The following NRAP variants were observed in gnomAD, a reference collection of about 807,000 sequenced individuals.
NRAP encodes nebulin-related-anchoring protein.
Under a neutral mutation model 225.9 loss-of-function variants are expected in NRAP, and 189 were observed. That is an observed-to-expected ratio of 0.84 (90% CI 0.74 to 0.94). The LOEUF is 0.94. Ranked by LOEUF, NRAP falls within the 40% of genes least tolerant of loss-of-function variation. The pLI is 0.00. For missense variants in NRAP, 2,176 were observed against 2,168.7 expected (o/e 1.00, Z -0.07); for synonymous variants, 769 against 790.7 (o/e 0.97, Z 0.46).
At chr10:113,639,091 CAAAAAAA>C (rs60509891) in intron 14 of NRAP, among the ~76,000 whole-genome samples, 63,966 of 116,478 alleles carry the variant, frequency 0.55, 16,556 homozygotes, top group East Asian at 0.71. Flanking sequence ...ATGTATATAG[CAAAAAAA>C]AAAAAAAAAA....
intron 21 of NRAP, among the ~76,000 whole-genome samples, chr10:113,625,666 G>A (rs975557742): frequency 6.6e-6 from 1 of 152,066 alleles, no homozygotes; most frequent in Non-Finnish European, 1.5e-5. Flanking sequence ...CGCTTATGTG[G>A]GTGTGACCTG....
rs11326329 is a variant in NRAP, at chr10:113,612,096, GA to G, written c.3498+137del. 3.4e-3 allele frequency: 2,230 copies of G among 649,434 alleles called. 41 individuals carry two copies. The African/African-American group carries it at 0.036, about 10-fold the overall frequency. The allele number at this position is 649,434 out of a possible 1,614,324, so 40.2% of individuals were successfully genotyped here. A position where few individuals can be genotyped will look rare whatever the true frequency, so the allele number is the denominator to read the frequency against. ...CTTAAGGGATGTGCAGGAACTCTCA[GA>G]CTGGGTTTCAAAATAAGACTTGGGT... On this transcript the variant is annotated intron_variant, in intron 30 of 41. Transcript: ENST00000359988.
intron 18 of NRAP, among the ~76,000 whole-genome samples, chr10:113,630,628 C>A (rs1173459965): frequency 2.0e-5 from 3 of 152,250 alleles, no homozygotes; most frequent in Non-Finnish European, 4.4e-5. Flanking sequence ...TTTTTGACCC[C>A]CAGCTGCTCC....
chr10:113,613,744 C>G (rs2133941560), intron 29 of NRAP, among the ~76,000 whole-genome samples: 1 of 152,316 alleles, frequency 6.6e-6, no homozygotes, highest in Non-Finnish European at 1.5e-5. Flanking sequence ...CTAAATGGAG[C>G]TGTTGGTCAG....
chr10:113,611,845 C>A (rs1386196939), intron 30 of NRAP, among the ~76,000 whole-genome samples: 1 of 152,196 alleles, frequency 6.6e-6, no homozygotes, highest in African/African-American at 2.4e-5. Context: ...ACCTTGAGGG[C>A]ATCTTTGTCA....
At chr10:113,608,355 A>G (rs1564709854) in intron 32 of NRAP, 59 bp downstream of exon 32, 4 of 1,046,444 alleles carry the variant, frequency 3.8e-6, no homozygotes, top group Non-Finnish European at 5.9e-6. Context: ...ATTCACGTGT[A>G]TTTTTAACAA....
chr10:113,653,135 G>A, intron 5 of NRAP, 96 bp from the exon 6 acceptor site: 3 of 673,582 alleles, frequency 4.5e-6, no homozygotes, highest in South Asian at 2.1e-5. Flanking sequence ...GATTCATAAA[G>A]TTCTTCGGAA....
chr10:113,595,515 C>A, intron 38 of NRAP, 108 bp downstream of exon 38: 1 of 678,664 alleles, frequency 1.5e-6, no homozygotes, highest in South Asian at 1.8e-5. Context: ...CTTTCTGTTC[C>A]AAGTCCTCCT....
Position 113,608,458 on chromosome 10 carries a change from G to A in NRAP, c.3658C>T (p.Pro1220Ser). ...SFKYTAVTDT[P>S]NLLHAKFSNQ... The stretch of plus-strand genomic sequence containing the variant: ...CTGAATTTCGCATGAAGGAGGTTGG[G>A]AGTGTCTGTCACAGCTGTGTACTTG... Residue 1220 changes from proline to serine, a missense_variant, in exon 32 of 42, where the codon CCC (proline) becomes TCC (serine). Pro to Ser is a moderately conservative substitution (Grantham distance 74, BLOSUM62 -1). Transcript: ENST00000359988. 1 of 1,613,744 alleles carries A rather than the reference G, an allele frequency of 6.2e-7. No individual in the cohort carries two copies. The highest frequency in any genetic ancestry group is 8.5e-7 in the Non-Finnish European group (1 of 1,179,690).
intron 9 of NRAP, among the ~76,000 whole-genome samples, chr10:113,648,186 G>C (rs933657073): frequency 1.3e-5 from 2 of 152,144 alleles, no homozygotes; most frequent in Middle Eastern, 3.2e-3. Context: ...CCAGGGCTTT[G>C]ACTGTGGCAC....
chr10:113,637,656 G>C (rs959465856), intron 14 of NRAP, among the ~76,000 whole-genome samples: 1 of 152,226 alleles, frequency 6.6e-6, no homozygotes, highest in African/African-American at 2.4e-5. Context: ...GGGTGTGGTG[G>C]CTCACGCCTG....
At chr10:113,590,314 G>C (rs1236742933) in intron 40 of NRAP, among the ~76,000 whole-genome samples, 1 of 152,220 alleles carries the variant, frequency 6.6e-6, no homozygotes, top group African/African-American at 2.4e-5. Flanking sequence ...TTCCTCATCT[G>C]TAAAATGAAG....
intron 14 of NRAP, among the ~76,000 whole-genome samples, chr10:113,635,890 T>G (rs1848841601): frequency 6.6e-6 from 1 of 152,214 alleles, no homozygotes; most frequent in Admixed American, 6.5e-5. Context: ...GGGTTCCTAC[T>G]CTGCAGAGTG....
rs749947597 is a variant in NRAP, at chr10:113,604,799, T to C, written c.4037A>G (p.Tyr1346Cys). 2 of 1,614,140 alleles carry C rather than the reference T, an allele frequency of 1.2e-6. No individual in the cohort carries two copies. Among genetic ancestry groups the C allele is most frequent in the Admixed American group, 3.3e-5 (2 of 60,012 alleles). Residue 1346 changes from tyrosine (Y) to cysteine (C), a missense_variant, in exon 35 of 42, where the codon TAC becomes TGC. Tyr to Cys is a radical substitution (Grantham distance 194). This residue lies in a region of NRAP where 1,708 missense variants were observed against 1,695.5 expected (regional missense o/e 1.01). Transcript: ENST00000359988. ...TTGGCTGCTGGTCGCCCCCCTCCTG[T>C]ACTGAAGCTCGCTCTGCAGCTGGCC... Reference protein sequence around the residue: ...RMGQLQSELQYRRGATSSQAQ... With the variant: ...RMGQLQSELQCRRGATSSQAQ...
intron 3 of NRAP, among the ~76,000 whole-genome samples, chr10:113,658,035 A>T (rs3127117): frequency 3.3e-5 from 5 of 152,116 alleles, no homozygotes; most frequent in South Asian, 2.1e-4. Context: ...TAATTTTTAC[A>T]TATAGATAAG....
chr10:113,624,713 G>A (rs968595959), intron 22 of NRAP, 113 bp downstream of exon 22: 28 of 738,908 alleles, frequency 3.8e-5, no homozygotes, highest in Non-Finnish European at 9.5e-6. Flanking sequence ...ACAACCAGAT[G>A]TATGTAACCT....
chr10:113,589,318 T>C (rs1270949759), intron 41 of NRAP: 1 of 575,632 alleles, frequency 1.7e-6, no homozygotes, highest in Non-Finnish European at 3.1e-6. Flanking sequence ...GGGTTCAAAA[T>C]GCAGACTGTC....
chr10:113,594,910 G>A (rs1214438050), intron 38 of NRAP, among the ~76,000 whole-genome samples: 1 of 152,212 alleles, frequency 6.6e-6, no homozygotes, highest in Non-Finnish European at 1.5e-5. Context: ...GCTGCCCCAG[G>A]CCAACACACT....
chr10:113,597,949 T>G lies in NRAP; in HGVS notation c.4332+20A>C. The stretch of plus-strand genomic sequence containing the variant: ...GCTAGCTTGCCCTTGTCACTTGTGG[T>G]GGGGACAGGTTGATGGTACCTCGCT... On this transcript the variant is annotated intron_variant, in intron 36 of 41. Transcript: ENST00000359988. 6.6e-7 allele frequency: 1 copy of G among 1,521,750 alleles called. No homozygotes were observed. The highest frequency in any genetic ancestry group is 9.1e-7 in the Non-Finnish European group (1 of 1,095,800). 94.3% of individuals were successfully genotyped at this position (1,521,750 alleles called of 1,614,324 possible). A position where few individuals can be genotyped will look rare whatever the true frequency, so the allele number is the denominator to read the frequency against.
Sources: allele counts gnomAD v4.1 joint callset (sites outside exome capture counted in the v4.1 genomes callset), GRCh38; gene constraint gnomAD v4.1.1; regional missense constraint gnomAD v4.1.1; transcripts MANE v1.5; gene names NCBI Gene and HGNC (gene_info 2026-07-23, HGNC 2026-07-21).